Variants in ABL1 observed in about 807,000 individuals in gnomAD.
ABL1 encodes the protein ABL proto-oncogene 1, non-receptor tyrosine kinase, also known as tyrosine-protein kinase ABL1.
ABL1 carries 11 observed loss-of-function variants against 94.7 expected under a neutral mutation model. The ratio of observed to expected loss-of-function variants is 0.12; its 90% CI spans 0.07 to 0.19. The LOEUF (loss-of-function observed/expected upper bound fraction) is 0.19, where lower values mean the gene tolerates loss of function less well. ABL1 is among the 10% of genes least tolerant of loss of function. The probability of loss-of-function intolerance (pLI) is 1.00; values close to 1 mark genes in which losing one functional copy is unlikely to be tolerated. For missense variants in ABL1, 1,082 were observed against 1,489.4 expected (o/e 0.73, Z 4.50); for synonymous variants, 656 against 622.4 (o/e 1.05, Z -0.80).
At chr9:130,754,676 G>T (rs12005057) in intron 1 of ABL1, among the ~76,000 whole-genome samples, 318 of 104,678 alleles carry the variant, frequency 3.0e-3, no homozygotes, top group African/African-American at 0.017. Context: ...TCAAGTAATG[G>T]GGGGGGCTTG....
chr9:130,740,641 A>T (rs1831804511), intron 1 of ABL1, among the ~76,000 whole-genome samples: 1 of 152,074 alleles, frequency 6.6e-6, no homozygotes, highest in African/African-American at 2.4e-5. Flanking sequence ...GCTAGTACAC[A>T]TGTGCTTATC....
chr9:130,749,869 A>G (rs1262821332), intron 1 of ABL1, among the ~76,000 whole-genome samples: 3 of 152,030 alleles, frequency 2.0e-5, no homozygotes, highest in African/African-American at 7.2e-5. Flanking sequence ...AGATTTTGTC[A>G]CTTTCTTAAA....
At chr9:130,882,952 G>T (rs1021660991) in intron 10 of ABL1, among the ~76,000 whole-genome samples, 1 of 152,066 alleles carries the variant, frequency 6.6e-6, no homozygotes, top group Non-Finnish European at 1.5e-5. Context: ...CGAGGTCAGC[G>T]AATCACAAGG....
At chr9:130,842,408 A>G (rs1439560152) in intron 1 of ABL1, among the ~76,000 whole-genome samples, 1 of 152,260 alleles carries the variant, frequency 6.6e-6, no homozygotes, top group Non-Finnish European at 1.5e-5. Flanking sequence ...AATTCTCTAT[A>G]GAAACCTAGT....
Position 130,884,519 on chromosome 9 carries a change from G to A in ABL1, c.2229G>A (p.Thr743=), listed in dbSNP as rs373223198. The change falls in exon 11 of 11, where the codon ACG becomes ACA. Residue 743 remains threonine, a synonymous_variant. Coordinates refer to ENST00000318560, the MANE Select transcript of ABL1 (RefSeq NM_005157.6). The surrounding 1 kb of genome is among the most constrained non-coding windows in gnomAD (Gnocchi z 5.6). The part of the protein sequence containing the change: ...SVTLPRDLQS[T]GRQFDSSTFG... ...CGCTGCCTCGGGACTTGCAGTCCAC[G>A]GGAAGACAGTTTGACTCGTCCACAT... 1.2e-5 allele frequency: 20 copies of A among 1,613,104 alleles called. No homozygotes were observed. Among genetic ancestry groups the A allele is most frequent in the Non-Finnish European group, 1.4e-5 (16 of 1,180,040 alleles).
intron 1 of ABL1, chr9:130,725,074 A>G: frequency 9.3e-6 from 2 of 214,624 alleles, no homozygotes; most frequent in South Asian, 7.0e-5. Flanking sequence ...TTATTTTTTT[A>G]TTGTGGTAAA....
chr9:130,809,519 C>T (rs571331383), intron 1 of ABL1, among the ~76,000 whole-genome samples: 2 of 151,696 alleles, frequency 1.3e-5, no homozygotes, highest in African/African-American at 4.8e-5. Context: ...ATCTGCAGGG[C>T]GAGTCAGCAA....
intron 1 of ABL1, among the ~76,000 whole-genome samples, chr9:130,810,388 C>T (rs1018638290): frequency 3.9e-5 from 6 of 152,062 alleles, no homozygotes; most frequent in Admixed American, 2.0e-4. Context: ...CCCAACTATA[C>T]GGGAGGCTGA....
At chr9:130,839,708 C>T (rs1050289407) in intron 1 of ABL1, among the ~76,000 whole-genome samples, 1 of 152,162 alleles carries the variant, frequency 6.6e-6, no homozygotes, top group East Asian at 1.9e-4. Flanking sequence ...TGTTCAGCCA[C>T]CTTAGAGGAT....
At chr9:130,788,935 CT>C (rs1361012213) in intron 1 of ABL1, among the ~76,000 whole-genome samples, 1 of 152,108 alleles carries the variant, frequency 6.6e-6, no homozygotes, top group East Asian at 1.9e-4. Flanking sequence ...TGTCTGGTTC[CT>C]TCATTGGATA....
chr9:130,843,918 A>G lies in ABL1; in HGVS notation c.79+8393A>G, dbSNP rs549522514. 2.6e-5 allele frequency among the ~76,000 whole-genome samples: 4 copies of G among 152,136 alleles called. No individual in the cohort carries two copies. In the South Asian group the frequency reaches 8.3e-4, roughly 32 times the overall value. On this transcript the variant is annotated intron_variant, in intron 1 of 10. Coordinates refer to ENST00000318560, the MANE Select transcript of ABL1 (RefSeq NM_005157.6). ...GCCTGCTTCAGGAGCTCAGACTTTT[A>G]CTATAGTGGTGGAAGGAATAACAAC... is the stretch of plus-strand genomic sequence containing the variant.
chr9:130,813,582 AAAAG>A (rs1830242525), intron 1 of ABL1, among the ~76,000 whole-genome samples: 1 of 150,854 alleles, frequency 6.6e-6, no homozygotes, highest in East Asian at 1.9e-4. Flanking sequence ...AAAAAAAAAA[AAAAG>A]AAAGTATGAT....
At chr9:130,722,014 C>G (rs1831521197) in intron 1 of ABL1, among the ~76,000 whole-genome samples, 1 of 151,618 alleles carries the variant, frequency 6.6e-6, no homozygotes. Flanking sequence ...GATCTCGTGA[C>G]CTCATGATCT....
At chr9:130,716,537 T>C (rs1291308772) in intron 1 of ABL1, among the ~76,000 whole-genome samples, 1 of 152,182 alleles carries the variant, frequency 6.6e-6, no homozygotes, top group Non-Finnish European at 1.5e-5. Flanking sequence ...TAAAGTATAA[T>C]GATTATCTCC....
intron 1 of ABL1, among the ~76,000 whole-genome samples, chr9:130,747,211 CA>C (rs1260754184): frequency 2.0e-5 from 3 of 152,036 alleles, no homozygotes; most frequent in Non-Finnish European, 4.4e-5. Context: ...CTTGTCTCTA[CA>C]AAAAATATTT....
At chr9:130,809,381 T>TGATAGA (rs1830172331) in intron 1 of ABL1, among the ~76,000 whole-genome samples, 1 of 132,578 alleles carries the variant, frequency 7.5e-6, no homozygotes, top group South Asian at 2.7e-4. Context: ...TGAAGGTTCT[T>TGATAGA]GAGAGAGAGA....
At chr9:130,757,117 G>A (rs139270332) in intron 1 of ABL1, among the ~76,000 whole-genome samples, 9 of 152,282 alleles carry the variant, frequency 5.9e-5, no homozygotes, top group African/African-American at 9.6e-5. Context: ...ACCTGAGGCC[G>A]GCTGTGTTCA....
intron 1 of ABL1, among the ~76,000 whole-genome samples, chr9:130,799,223 C>T (rs766198442): frequency 2.6e-5 from 4 of 152,130 alleles, no homozygotes; most frequent in African/African-American, 9.7e-5. Context: ...TTGCACCCAT[C>T]GGAGATGCTC....
chr9:130,766,255 C>T (rs1832181736), intron 1 of ABL1, among the ~76,000 whole-genome samples: 1 of 152,222 alleles, frequency 6.6e-6, no homozygotes, highest in Non-Finnish European at 1.5e-5. Context: ...ATGACTGGAG[C>T]CTGGAAGGCG....
Sources: allele counts gnomAD v4.1 joint callset (sites outside exome capture counted in the v4.1 genomes callset), GRCh38; gene constraint gnomAD v4.1.1; non-coding constraint Gnocchi (gnomAD v3.1); transcripts MANE v1.5; gene names NCBI Gene and HGNC (gene_info 2026-07-23, HGNC 2026-07-21).